The following PRR16 variants were observed in gnomAD, a reference collection of about 807,000 sequenced individuals.
PRR16 encodes the protein protein Largen.
In PRR16, 6 loss-of-function variants were observed where a neutral mutation model predicts 18.2. That is an observed-to-expected ratio of 0.33 (90% CI 0.18 to 0.65). The LOEUF (loss-of-function observed/expected upper bound fraction) is 0.65, where lower values mean the gene tolerates loss of function less well. Ranked by LOEUF, PRR16 falls within the 30% of genes least tolerant of loss-of-function variation. The pLI is 0.74. For synonymous variants in PRR16, 151 were observed against 147.8 expected (o/e 1.02, Z -0.16); for missense variants, 412 against 376.6 (o/e 1.09, Z -0.78).
At chr5:120,692,499 A>G in the PRR16 span, among the ~76,000 whole-genome samples, 2 of 152,128 alleles carry the variant, frequency 1.3e-5, no homozygotes, top group African/African-American at 4.8e-5. Flanking sequence ...TGCACCAAAG[A>G]TTGGTGCTTT....
intron 1 of PRR16, among the ~76,000 whole-genome samples, chr5:120,586,026 A>G (rs1357694992): frequency 6.6e-6 from 1 of 151,978 alleles, no homozygotes; most frequent in South Asian, 2.1e-4. Flanking sequence ...TACAAAAATT[A>G]GCTGGGCGTG....
intron 1 of PRR16, among the ~76,000 whole-genome samples, chr5:120,685,403 CT>C (rs1203283043): frequency 6.6e-6 from 1 of 152,068 alleles, no homozygotes; most frequent in Non-Finnish European, 1.5e-5. Context: ...TGGTTGCTGC[CT>C]TTTTTTCCTG....
chr5:120,496,882 A>G (rs1454528866), intron 1 of PRR16, among the ~76,000 whole-genome samples: 1 of 152,026 alleles, frequency 6.6e-6, no homozygotes, highest in African/African-American at 2.4e-5. Flanking sequence ...TGTTCTCCAC[A>G]TATAGTGACT....
At chr5:120,771,842 T>A in the PRR16 span, among the ~76,000 whole-genome samples, 1 of 152,014 alleles carries the variant, frequency 6.6e-6, no homozygotes, top group Non-Finnish European at 1.5e-5. Flanking sequence ...GAAACACGAC[T>A]TTATATTATA....
chr5:120,707,236 T>C, the PRR16 span, among the ~76,000 whole-genome samples: 1 of 152,302 alleles, frequency 6.6e-6, no homozygotes, highest in African/African-American at 2.4e-5. Context: ...GCCTGAGGCT[T>C]GGAGGTGTTA....
chr5:120,508,343 C>G (rs552865025), intron 1 of PRR16, among the ~76,000 whole-genome samples: 28 of 152,228 alleles, frequency 1.8e-4, no homozygotes, highest in Middle Eastern at 3.4e-3. Flanking sequence ...ATGCAAAACT[C>G]TGTGTGCTGA....
At chr5:120,499,140 G>A (rs1479671508) in intron 1 of PRR16, among the ~76,000 whole-genome samples, 2 of 147,594 alleles carry the variant, frequency 1.4e-5, no homozygotes, top group South Asian at 2.1e-4. Context: ...ACGGAGTTCC[G>A]CTCTTGTTGC....
At chr5:120,714,038 C>A in the PRR16 span, among the ~76,000 whole-genome samples, 1 of 151,656 alleles carries the variant, frequency 6.6e-6, no homozygotes, top group African/African-American at 2.4e-5. Context: ...AATCAGAAAA[C>A]AATTATAAGG....
chr5:120,696,437 CTTGTATTCAAG>C, the PRR16 span, among the ~76,000 whole-genome samples: 12 of 152,188 alleles, frequency 7.9e-5, no homozygotes, highest in East Asian at 3.9e-4. Flanking sequence ...CATATAGTTT[CTTGTATTCAAG>C]TTGTATTCAA....
chr5:120,650,004 G>A (rs112603736), intron 1 of PRR16, among the ~76,000 whole-genome samples: 1 of 152,010 alleles, frequency 6.6e-6, no homozygotes, highest in African/African-American at 2.4e-5. Flanking sequence ...CAGATCACGA[G>A]GTCAAGAGAT....
the PRR16 span, among the ~76,000 whole-genome samples, chr5:120,743,115 C>G: frequency 6.6e-6 from 1 of 152,170 alleles, no homozygotes; most frequent in Admixed American, 6.5e-5. Context: ...GGATTAGAAA[C>G]TGAACATCTT....
At chr5:120,788,515 C>G in the PRR16 span, among the ~76,000 whole-genome samples, 1 of 152,026 alleles carries the variant, frequency 6.6e-6, no homozygotes, top group East Asian at 1.9e-4. Context: ...GGGACTATTG[C>G]TTGTTCATTA....
chr5:120,510,215 C>G (rs1750785925), intron 1 of PRR16, among the ~76,000 whole-genome samples: 1 of 152,146 alleles, frequency 6.6e-6, no homozygotes, highest in African/African-American at 2.4e-5. Flanking sequence ...ATGATTTACA[C>G]CTGTCTCTGA....
intron 1 of PRR16, among the ~76,000 whole-genome samples, chr5:120,579,293 T>C (rs1234014801): frequency 6.6e-6 from 1 of 152,210 alleles, no homozygotes; most frequent in Admixed American, 6.5e-5. Flanking sequence ...TTGCTGCAGT[T>C]GTTTTTGGTG....
the PRR16 span, among the ~76,000 whole-genome samples, chr5:120,730,331 G>T: frequency 1.3e-5 from 2 of 152,142 alleles, no homozygotes; most frequent in African/African-American, 4.8e-5. Context: ...ATGGATTTTA[G>T]TGTGAAGATG....
the PRR16 span, among the ~76,000 whole-genome samples, chr5:120,739,323 A>G: frequency 6.6e-6 from 1 of 152,196 alleles, no homozygotes; most frequent in Non-Finnish European, 1.5e-5. Flanking sequence ...TCAAAGTTGC[A>G]TGTATCTAAA....
rs777305447 is a variant in PRR16, at chr5:120,481,161, T to G, written c.159+16516T>G. Reference sequence around the variant, plus strand: ...TAAAATATATCTTATTTTATTTTTTTTTTGGAGATGAAGTCCCACTCTGTT... The same window carrying G: ...TAAAATATATCTTATTTTATTTTTTGTTTGGAGATGAAGTCCCACTCTGTT... On this transcript the variant is annotated intron_variant, in intron 1 of 1. Transcript: ENST00000407149. 1.8e-5 allele frequency: 20 copies of G among 1,122,790 alleles called. No homozygotes were observed. In the South Asian group the frequency reaches 2.6e-4, roughly 15 times the overall value. The allele number at this position is 1,122,790 out of a possible 1,614,324, so 69.6% of individuals were successfully genotyped here.
the PRR16 span, among the ~76,000 whole-genome samples, chr5:120,746,220 G>A: frequency 5.3e-5 from 8 of 151,396 alleles, no homozygotes; most frequent in South Asian, 2.1e-4. Context: ...TGTTATCTCC[G>A]TGGCCCAGGT....
rs542799234 is a variant in PRR16 at position 120,492,961 on chromosome 5, C to T, written c.159+28316C>T. Among the ~76,000 whole-genome samples, 6 of 152,200 alleles carry T rather than the reference C, an allele frequency of 3.9e-5. No individual in the cohort carries two copies. The East Asian group carries it at 5.8e-4, about 15-fold the overall frequency. On this transcript the variant is annotated intron_variant, in intron 1 of 1. Transcript: ENST00000407149. ...ACATTTTCTTAATCCACTTGTTGGC[C>T]GATGGACACTTAGTTTGGTTCCACA...
Sources: gnomAD v4.1 joint callset for allele counts (sites outside exome capture counted in the v4.1 genomes callset) on GRCh38, gnomAD v4.1.1 for gene constraint, MANE v1.5 for transcripts, NCBI Gene and HGNC (gene_info 2026-07-23, HGNC 2026-07-21) for gene names.